The following ARHGEF3 variants were observed in gnomAD, a reference collection of about 807,000 sequenced individuals.
ARHGEF3 encodes 59.8 kDA protein.
ARHGEF3 carries 28 observed loss-of-function variants against 63.2 expected under a neutral mutation model. The ratio of observed to expected loss-of-function variants is 0.44; its 90% CI spans 0.33 to 0.61. ARHGEF3 has a LOEUF of 0.61. ARHGEF3 is among the 20% of genes least tolerant of loss of function. ARHGEF3 has a pLI of 0.03. For missense variants in ARHGEF3, 533 were observed against 659.3 expected (o/e 0.81, Z 2.10); for synonymous variants, 266 against 254.2 (o/e 1.05, Z -0.44).
chr3:57,063,846 G>C (rs1705373742), intron 1 of ARHGEF3, among the ~76,000 whole-genome samples: 1 of 152,218 alleles, frequency 6.6e-6, no homozygotes, highest in South Asian at 2.1e-4. Context: ...GGGCTCAAAA[G>C]AGAATGGGAT....
chr3:57,006,103 T>TG (rs890412931), intron 2 of ARHGEF3, among the ~76,000 whole-genome samples: 4 of 152,208 alleles, frequency 2.6e-5, no homozygotes, highest in African/African-American at 9.7e-5. Context: ...GTTGGTGGCT[T>TG]AATCAATGTT....
chr3:56,944,770 G>A (rs1699391481), intron 3 of ARHGEF3, among the ~76,000 whole-genome samples: 1 of 151,722 alleles, frequency 6.6e-6, no homozygotes, highest in South Asian at 2.1e-4. Flanking sequence ...ATAGAGACGG[G>A]GTTTCACCAT....
intron 2 of ARHGEF3, among the ~76,000 whole-genome samples, chr3:57,001,233 C>A (rs775780009): frequency 6.6e-6 from 1 of 152,172 alleles, no homozygotes; most frequent in Non-Finnish European, 1.5e-5. Context: ...AGCCACTGTG[C>A]CAGGTCCTTC....
intron 3 of ARHGEF3, among the ~76,000 whole-genome samples, chr3:56,945,632 A>G (rs1372801907): frequency 1.3e-5 from 2 of 152,228 alleles, no homozygotes; most frequent in Non-Finnish European, 2.9e-5. Flanking sequence ...GCAGCCAGGA[A>G]GCTCGAACTG....
chr3:56,985,523 G>A (rs1701500046), intron 2 of ARHGEF3, among the ~76,000 whole-genome samples: 1 of 152,212 alleles, frequency 6.6e-6, no homozygotes, highest in Admixed American at 6.5e-5. Flanking sequence ...TTCATTCGCC[G>A]CCTCCACCCC....
chr3:56,832,519 C>T (rs1331429833), intron 4 of ARHGEF3, among the ~76,000 whole-genome samples: 1 of 122,386 alleles, frequency 8.2e-6, no homozygotes, highest in East Asian at 2.1e-4. Flanking sequence ...TCTTTGGCCA[C>T]CCCCAGTGAC....
At position 56,951,297 on chromosome 3, in the gene ARHGEF3, A is replaced by G. The variant is rs116932510; in HGVS notation, c.129+7526T>C. Among the ~76,000 whole-genome samples the G allele has an allele frequency of 4.1e-3, 628 of 151,876 alleles. 17 individuals are homozygous for G. The highest frequency in any genetic ancestry group is 0.032 in the Admixed American group (496 of 15,264). ...GTATAAAAAAAAAAAGAAAGGAAAG[A>G]AAAAAAAGAAAGAAATTGCCACAGC... On this transcript the variant is annotated intron_variant, in intron 3 of 12. Coordinates refer to the ARHGEF3 transcript ENST00000338458.
At chr3:56,843,814 G>A (rs2039395382) in intron 4 of ARHGEF3, among the ~76,000 whole-genome samples, 1 of 152,088 alleles carries the variant, frequency 6.6e-6, no homozygotes, top group African/African-American at 2.4e-5. Context: ...TGCCCCTTCT[G>A]ATTTCTAGAA....
chr3:56,961,486 T>G (rs552871879), intron 2 of ARHGEF3, among the ~76,000 whole-genome samples: 2 of 152,168 alleles, frequency 1.3e-5, no homozygotes, highest in East Asian at 3.9e-4. Flanking sequence ...AGCATACCCC[T>G]GAAAGAAAGC....
intron 4 of ARHGEF3, among the ~76,000 whole-genome samples, chr3:56,850,718 T>C (rs1408149359): frequency 1.3e-5 from 2 of 152,228 alleles, no homozygotes; most frequent in Non-Finnish European, 2.9e-5. Flanking sequence ...TATGTGAGGC[T>C]CTTGGAGAGA....
At chr3:57,016,558 A>C (rs138390303) in intron 2 of ARHGEF3, among the ~76,000 whole-genome samples, 1 of 152,168 alleles carries the variant, frequency 6.6e-6, no homozygotes, top group African/African-American at 2.4e-5. Flanking sequence ...AAAAAGAAAA[A>C]AGAATGACAA....
At chr3:56,828,770 T>C (rs1401936908) in intron 4 of ARHGEF3, among the ~76,000 whole-genome samples, 1 of 152,136 alleles carries the variant, frequency 6.6e-6, no homozygotes, top group Non-Finnish European at 1.5e-5. Context: ...AAGGAGAAGA[T>C]CCATCCTGGG....
chr3:56,745,178 G>C, intron 7 of ARHGEF3, 27 bp downstream of exon 7: 1 of 1,602,510 alleles, frequency 6.2e-7, no homozygotes, highest in Non-Finnish European at 8.5e-7. Context: ...ATAACAAGAA[G>C]AGAGAGAAGG....
At chr3:56,764,062 C>T (rs2035569233) in intron 2 of ARHGEF3, among the ~76,000 whole-genome samples, 1 of 131,542 alleles carries the variant, frequency 7.6e-6, no homozygotes, top group South Asian at 2.3e-4. Flanking sequence ...ACATTAAAAC[C>T]ATGGTAAAAG....
chr3:56,833,864 G>A (rs988156053), intron 4 of ARHGEF3, among the ~76,000 whole-genome samples: 5 of 151,938 alleles, frequency 3.3e-5, no homozygotes, highest in Admixed American at 3.3e-4. Flanking sequence ...CATTCACCAA[G>A]CTGGATAACT....
At chr3:56,797,361 A>G (rs2037426262) in intron 1 of ARHGEF3, among the ~76,000 whole-genome samples, 1 of 152,220 alleles carries the variant, frequency 6.6e-6, no homozygotes, top group Non-Finnish European at 1.5e-5. Context: ...CCAACTGAAC[A>G]GCCTCGGAAT....
chr3:57,051,443 C>A (rs1010427853), intron 1 of ARHGEF3, among the ~76,000 whole-genome samples: 1 of 151,742 alleles, frequency 6.6e-6, no homozygotes, highest in Non-Finnish European at 1.5e-5. Flanking sequence ...GCCAAGATTG[C>A]GCCACTGCAT....
At chr3:57,066,555 G>A (rs913056578) in intron 1 of ARHGEF3, among the ~76,000 whole-genome samples, 1 of 152,178 alleles carries the variant, frequency 6.6e-6, no homozygotes, top group Non-Finnish European at 1.5e-5. Flanking sequence ...GAGCCACCGC[G>A]CCCAGGCTTT....
At chr3:56,803,575 C>T (rs1049535227), upstream of ARHGEF3, among the ~76,000 whole-genome samples, 1 of 152,170 alleles carries the variant, frequency 6.6e-6, no homozygotes, top group African/African-American at 2.4e-5. Context: ...GCCAAGGCAG[C>T]AGTGTGGCTT....
Sources: gnomAD v4.1 joint callset for allele counts (sites outside exome capture counted in the v4.1 genomes callset) on GRCh38, gnomAD v4.1.1 for gene constraint, MANE v1.5 for transcripts, NCBI Gene and HGNC (gene_info 2026-07-23, HGNC 2026-07-21) for gene names.